Variants in RGS6 observed in about 807,000 individuals in gnomAD.
RGS6 encodes regulator of G protein signaling 6.
RGS6 carries 30 observed loss-of-function variants against 78.5 expected under a neutral mutation model. The observed-to-expected ratio is 0.38, with a 90% CI of 0.29 to 0.52. RGS6 has a LOEUF of 0.52. RGS6 is among the 20% of genes least tolerant of loss of function. The pLI, the probability that RGS6 is intolerant of heterozygous loss-of-function variation, is 0.85. For missense variants in RGS6, 495 were observed against 609.7 expected, an observed-to-expected ratio of 0.81 and a Z score of 1.98; for synonymous variants, 206 against 206.0, an observed-to-expected ratio of 1.00 and a Z score of 0.00.
At position 72,488,266 on chromosome 14, in the gene RGS6, G is replaced by A. The variant is rs142612003; in HGVS notation, c.855-6886G>A. ...AGGACTTTCTGTGTTCCTTCTCCAC[G>A]TGTTCCTCTATAGCATGTCTTGACG... On this transcript the variant is annotated intron_variant, in intron 12 of 17. Coordinates refer to ENST00000553525, the MANE Select transcript of RGS6 (RefSeq NM_001204424.2). Among the ~76,000 whole-genome samples, 8 of 152,326 alleles carry A rather than the reference G, an allele frequency of 5.3e-5. No homozygotes were observed. In the East Asian group the frequency reaches 7.7e-4, roughly 15 times the overall value.
chr14:71,899,300 A>G, the RGS6 span, among the ~76,000 whole-genome samples: 1 of 152,216 alleles, frequency 6.6e-6, no homozygotes, highest in African/African-American at 2.4e-5. Context: ...AAAATTCTTC[A>G]TTAGAGCTAC....
At chr14:72,138,008 G>A (rs1567288192) in intron 2 of RGS6, among the ~76,000 whole-genome samples, 2 of 152,122 alleles carry the variant, frequency 1.3e-5, no homozygotes, top group African/African-American at 4.8e-5. Context: ...CCAGCCACAA[G>A]TCACCCTAAT....
intron 2 of RGS6, among the ~76,000 whole-genome samples, chr14:72,093,830 A>G (rs890190782): frequency 6.6e-6 from 1 of 152,132 alleles, no homozygotes; most frequent in African/African-American, 2.4e-5. Flanking sequence ...TTCAAATTTT[A>G]TCCTTAACAA....
chr14:71,960,563 C>T (rs1490527711), intron 1 of RGS6, among the ~76,000 whole-genome samples: 2 of 152,106 alleles, frequency 1.3e-5, no homozygotes, highest in Non-Finnish European at 2.9e-5. Flanking sequence ...AGGGGTGAAC[C>T]CCAACGATAA....
At chr14:72,355,822 A>C (rs2080144013) in intron 3 of RGS6, among the ~76,000 whole-genome samples, 1 of 152,170 alleles carries the variant, frequency 6.6e-6, no homozygotes, top group Non-Finnish European at 1.5e-5. Context: ...ATGGATATTG[A>C]GGGAGAGAGC....
At chr14:71,877,084 C>T in the RGS6 span, among the ~76,000 whole-genome samples, 1 of 152,156 alleles carries the variant, frequency 6.6e-6, no homozygotes, top group African/African-American at 2.4e-5. Flanking sequence ...GTAACCCAAC[C>T]TTTGTCTCTG....
At position 71,979,180 on chromosome 14, in the gene RGS6, GTCTA is replaced by G. The variant is rs946080573; in HGVS notation, c.84+14311_84+14314del. Among the ~76,000 whole-genome samples, 30 of 146,804 alleles carry G rather than the reference GTCTA, an allele frequency of 2.0e-4. No individual in the cohort carries two copies. In the East Asian group the frequency reaches 4.5e-3, roughly 22 times the overall value. ...TTTTTCTTTATTAGTCTTGCTAGCG[GTCTA>G]TCTATTTTGTTGATCCTTTCAAAAA... On this transcript the variant is annotated intron_variant, in intron 2 of 17. Coordinates refer to ENST00000553525, the MANE Select transcript of RGS6 (RefSeq NM_001204424.2).
intron 2 of RGS6, among the ~76,000 whole-genome samples, chr14:71,981,512 C>G (rs1328874055): frequency 6.6e-6 from 1 of 151,472 alleles, no homozygotes; most frequent in Non-Finnish European, 1.5e-5. Context: ...TGTTGGAATA[C>G]CCGGCCGTGT....
At chr14:72,281,504 A>T (rs2061580346) in intron 2 of RGS6, among the ~76,000 whole-genome samples, 1 of 152,168 alleles carries the variant, frequency 6.6e-6, no homozygotes, top group African/African-American at 2.4e-5. Context: ...CATGTATTTC[A>T]TGACTTCAAA....
intron 2 of RGS6, among the ~76,000 whole-genome samples, chr14:72,160,681 C>T (rs2096840544): frequency 6.6e-6 from 1 of 152,134 alleles, no homozygotes; most frequent in African/African-American, 2.4e-5. Flanking sequence ...CATTTGGCCA[C>T]ATGGAGAGAT....
chr14:71,978,163 C>G (rs1449282826), intron 2 of RGS6, among the ~76,000 whole-genome samples: 2 of 138,692 alleles, frequency 1.4e-5, no homozygotes, highest in Non-Finnish European at 3.2e-5. Flanking sequence ...AGATTTTGGG[C>G]TGAGACAATG....
At chr14:72,314,410 A>G (rs1210486646) in intron 2 of RGS6, among the ~76,000 whole-genome samples, 1 of 152,194 alleles carries the variant, frequency 6.6e-6, no homozygotes, top group East Asian at 1.9e-4. Flanking sequence ...TTTTCTTGGG[A>G]AAGTTACACT....
chr14:72,310,811 A>C (rs2068428821), intron 2 of RGS6, among the ~76,000 whole-genome samples: 1 of 152,166 alleles, frequency 6.6e-6, no homozygotes, highest in Non-Finnish European at 1.5e-5. Context: ...AACATTAACA[A>C]TCCAGACCCT....
At chr14:72,103,761 C>T (rs1174952974) in intron 2 of RGS6, among the ~76,000 whole-genome samples, 2 of 152,188 alleles carry the variant, frequency 1.3e-5, no homozygotes, top group Non-Finnish European at 2.9e-5. Context: ...AGGCCACTTG[C>T]CGCCTAGACT....
chr14:72,580,314 C>G, the RGS6 span, among the ~76,000 whole-genome samples: 17 of 145,328 alleles, frequency 1.2e-4, no homozygotes, highest in South Asian at 2.3e-4. Flanking sequence ...ATGTCCCCCC[C>G]ACCCCGACCC....
the RGS6 span, among the ~76,000 whole-genome samples, chr14:71,904,418 T>C: frequency 6.6e-6 from 1 of 152,320 alleles, no homozygotes; most frequent in South Asian, 2.1e-4. Flanking sequence ...AAAGGGGAGT[T>C]CTCTTTTCTA....
At chr14:72,311,712 G>C (rs2068665993) in intron 2 of RGS6, among the ~76,000 whole-genome samples, 1 of 152,168 alleles carries the variant, frequency 6.6e-6, no homozygotes, top group Admixed American at 6.5e-5. Context: ...TTCTCAAAGT[G>C]CTCCATTCAT....
intron 1 of RGS6, among the ~76,000 whole-genome samples, chr14:71,936,039 TATGTA>T (rs2152936208): frequency 8.8e-6 from 1 of 113,768 alleles, no homozygotes; most frequent in East Asian, 3.1e-4. Flanking sequence ...TATATATATA[TATGTA>T]CATATATATC....
At chr14:72,036,922 G>A (rs1389691490) in intron 2 of RGS6, among the ~76,000 whole-genome samples, 1 of 152,064 alleles carries the variant, frequency 6.6e-6, no homozygotes, top group African/African-American at 2.4e-5. Context: ...GTGTAACTTA[G>A]TTTGAGTTAA....
Sources: allele counts gnomAD v4.1 joint callset (sites outside exome capture counted in the v4.1 genomes callset), GRCh38; gene constraint gnomAD v4.1.1; transcripts MANE v1.5; gene names NCBI Gene and HGNC (gene_info 2026-07-23, HGNC 2026-07-21).